ANKRD30A: variants seen among roughly 807,000 people sequenced by gnomAD.
ANKRD30A encodes ankyrin repeat domain 30A, also known as ankyrin repeat domain-containing protein 30A.
In ANKRD30A, 170 loss-of-function variants were observed where a neutral mutation model predicts 166.3. The observed-to-expected ratio is 1.02, with a 90% CI of 0.90 to 1.16. The LOEUF (loss-of-function observed/expected upper bound fraction) is 1.16. Among genes scored for constraint, ANKRD30A ranks in the 50% most tolerant of loss-of-function variants. The pLI, the probability that ANKRD30A is intolerant of heterozygous loss-of-function variation, is 0.00. For missense variants in ANKRD30A, 1,630 were observed against 1,518.0 expected, an observed-to-expected ratio of 1.07 and a Z score of -1.23; for synonymous variants, 564 against 508.9, an observed-to-expected ratio of 1.11 and a Z score of -1.46.
intron 34 of ANKRD30A, among the ~76,000 whole-genome samples, chr10:37,222,067 A>T (rs1382411937): frequency 2.0e-5 from 3 of 151,450 alleles, no homozygotes; most frequent in Non-Finnish European, 3.0e-5. Context: ...TGATACTGCC[A>T]TTGGATGTTT....
At chr10:37,215,203 G>T (rs1019272974) in intron 31 of ANKRD30A, among the ~76,000 whole-genome samples, 2 of 151,216 alleles carry the variant, frequency 1.3e-5, no homozygotes, top group African/African-American at 4.8e-5. Context: ...ACACCTGAGG[G>T]GCAAGGCCTT....
rs1395356654 is a variant in ANKRD30A, at chr10:37,219,229, G to T, written c.3517G>T (p.Ala1173Ser). The change falls in exon 34 of 36, where the codon GCT becomes TCT. Residue 1173 changes from alanine (A) to serine (S), a missense_variant. Physicochemically the swap from Ala to Ser is moderately conservative, Grantham distance 99. This residue lies in a region of ANKRD30A where 712 missense variants were observed against 629.3 expected (regional missense o/e 1.13). Coordinates refer to ENST00000361713, the MANE Select transcript of ANKRD30A (RefSeq NM_052997.3). The part of the protein sequence containing the change: ...QYSGQLKVLI[A>S]ENTMLTSKLK... ...TAGTGGGCAGCTTAAAGTTCTGATA[G>T]CTGAGAACACAATGCTCACTTCTAA... 1 of 1,610,488 alleles carries T rather than the reference G, an allele frequency of 6.2e-7. No individual in the cohort carries two copies. The highest frequency in any genetic ancestry group is 1.3e-5 in the African/African-American group (1 of 74,632).
chr10:37,179,038 A>ATATATATG (rs1564529098), intron 24 of ANKRD30A, among the ~76,000 whole-genome samples: 2 of 69,378 alleles, frequency 2.9e-5, no homozygotes, highest in African/African-American at 7.5e-5. Context: ...ATATATATAT[A>ATATATATG]TATATATATA....
At chr10:37,197,590 A>C in intron 29 of ANKRD30A, 110 bp downstream of exon 29, 1 of 1,517,440 alleles carries the variant, frequency 6.6e-7, no homozygotes, top group East Asian at 2.3e-5. Context: ...ATAAGTTTTG[A>C]TCTAGGTAAT....
chr10:37,167,736 A>G (rs1355611116), intron 19 of ANKRD30A, among the ~76,000 whole-genome samples: 5 of 151,700 alleles, frequency 3.3e-5, no homozygotes, highest in African/African-American at 4.9e-5. Context: ...GTATATGGGT[A>G]TGAAAATCAA....
chr10:37,263,594 A>G, the ANKRD30A span, among the ~76,000 whole-genome samples: 3 of 151,940 alleles, frequency 2.0e-5, no homozygotes, highest in African/African-American at 7.3e-5. Context: ...GCAGTTCTCA[A>G]TAGGGTTCGT....
At chr10:37,224,134 A>C (rs1843017665) in intron 34 of ANKRD30A, among the ~76,000 whole-genome samples, 1 of 151,378 alleles carries the variant, frequency 6.6e-6, no homozygotes, top group African/African-American at 2.4e-5. Flanking sequence ...AATGATTTTG[A>C]AAACAATAAT....
chr10:37,130,009 T>C lies in ANKRD30A; in HGVS notation c.336+2T>C. 1 of 1,498,388 alleles carries C rather than the reference T, an allele frequency of 6.7e-7. No homozygotes were observed. The highest frequency in any genetic ancestry group is 1.4e-5 in the African/African-American group (1 of 70,934). 92.8% of individuals were successfully genotyped at this position (1,498,388 alleles called of 1,614,324 possible). On this transcript the variant is annotated splice_donor_variant, in intron 2 of 35. Coordinates refer to ENST00000361713, the MANE Select transcript of ANKRD30A (RefSeq NM_052997.3). LOFTEE classifies it high-confidence loss of function. ...GAACACAGGACACCTCTGATGAAGGTAAATAGTAGCCAGATTTTTCAGCAG... is the reference window on the plus strand; with the variant it reads ...GAACACAGGACACCTCTGATGAAGGCAAATAGTAGCCAGATTTTTCAGCAG...
chr10:37,162,295 A>G (rs1838968854), intron 15 of ANKRD30A, among the ~76,000 whole-genome samples: 1 of 152,180 alleles, frequency 6.6e-6, no homozygotes, highest in Admixed American at 6.5e-5. Context: ...ATATTAAAGA[A>G]CAGGATGAAT....
At chr10:37,209,935 G>T (rs1842197299) in intron 31 of ANKRD30A, among the ~76,000 whole-genome samples, 1 of 151,968 alleles carries the variant, frequency 6.6e-6, no homozygotes, top group African/African-American at 2.4e-5. Flanking sequence ...ACCTTTGCCA[G>T]AATCAGTATA....
At chr10:37,193,786 A>G (rs1840805505) in intron 27 of ANKRD30A, among the ~76,000 whole-genome samples, 1 of 152,168 alleles carries the variant, frequency 6.6e-6, no homozygotes, top group Non-Finnish European at 1.5e-5. Flanking sequence ...GTGTTTTAGA[A>G]GAGTGACCCC....
Position 37,165,130 on chromosome 10 carries a change from A to C in ANKRD30A, c.2039A>C (p.Tyr680Ser). ...ILPSESKQKD[Y>S]EENSWDTESL... is the part of the protein sequence containing the mutation. ...CCATCAGAATCCAAACAAAAGGACT[A>C]TGAAGAAAATTCTTGGGATACTGAG... The change falls in exon 18 of 36, where the codon TAT becomes TCT. Residue 680 changes from tyrosine (Y) to serine (S), a missense_variant. Coordinates refer to ENST00000361713, the MANE Select transcript of ANKRD30A (RefSeq NM_052997.3). The C allele has an allele frequency of 6.2e-7, 1 of 1,609,288 alleles. No individual in the cohort carries two copies. The highest frequency in any genetic ancestry group is 8.5e-7 in the Non-Finnish European group (1 of 1,176,062).
In ANKRD30A at chr10:37,167,089, C is replaced by G. The variant is rs190924628; in HGVS notation, c.2155+394C>G. Among the ~76,000 whole-genome samples, 6 of 151,852 alleles carry G rather than the reference C, an allele frequency of 4.0e-5. No individual in the cohort carries two copies. The East Asian group carries it at 5.8e-4, about 15-fold the overall frequency. Reference sequence around the variant, plus strand: ...TTTAGGAAAGATCGGATGCAGGGGACAAGAGAGAAGCCAGCTAGATGATTT... The same window carrying G: ...TTTAGGAAAGATCGGATGCAGGGGAGAAGAGAGAAGCCAGCTAGATGATTT... On this transcript the variant is annotated intron_variant, in intron 19 of 35. Coordinates refer to ENST00000361713, the MANE Select transcript of ANKRD30A (RefSeq NM_052997.3).
At chr10:37,229,913 G>A (rs1362021899) in intron 34 of ANKRD30A, among the ~76,000 whole-genome samples, 1 of 151,750 alleles carries the variant, frequency 6.6e-6, no homozygotes, top group Non-Finnish European at 1.5e-5. Context: ...TGGGGTATTC[G>A]TCACCTCAAG....
the ANKRD30A span, among the ~76,000 whole-genome samples, chr10:37,249,278 G>C: frequency 1.3e-5 from 2 of 152,194 alleles, no homozygotes; most frequent in Non-Finnish European, 2.9e-5. Context: ...AGATACTTAA[G>C]TGACTAATTC....
intron 31 of ANKRD30A, among the ~76,000 whole-genome samples, chr10:37,204,141 A>C (rs1036842910): frequency 6.6e-6 from 1 of 152,198 alleles, no homozygotes; most frequent in Non-Finnish European, 1.5e-5. Context: ...AAACTACTTT[A>C]AAGTTCATAT....
At chr10:37,237,983 G>A in the ANKRD30A span, among the ~76,000 whole-genome samples, 1 of 152,186 alleles carries the variant, frequency 6.6e-6, no homozygotes, top group Non-Finnish European at 1.5e-5. Context: ...AAAAAGTCAT[G>A]TAACATTGAA....
At chr10:37,183,475 G>T (rs1352957695) in intron 24 of ANKRD30A, among the ~76,000 whole-genome samples, 2 of 146,868 alleles carry the variant, frequency 1.4e-5, no homozygotes, top group Admixed American at 6.9e-5. Context: ...AATGTCTGAA[G>T]TTGCACCTCT....
chr10:37,259,431 A>G, the ANKRD30A span, among the ~76,000 whole-genome samples: 1 of 152,236 alleles, frequency 6.6e-6, no homozygotes, highest in Admixed American at 6.5e-5. Context: ...CAACCACTTG[A>G]AAAATTCTTA....
Sources: allele counts gnomAD v4.1 joint callset (sites outside exome capture counted in the v4.1 genomes callset), GRCh38; gene constraint gnomAD v4.1.1; regional missense constraint gnomAD v4.1.1; transcripts MANE v1.5; gene names NCBI Gene and HGNC (gene_info 2026-07-23, HGNC 2026-07-21).